TUSC3: variants seen among roughly 807,000 people sequenced by gnomAD.
TUSC3 encodes the protein dolichyl-diphosphooligosaccharide--protein glycosyltransferase subunit TUSC3.
TUSC3 carries 45 observed loss-of-function variants against 44.8 expected under a neutral mutation model. The ratio of observed to expected loss-of-function variants is 1.00; its 90% CI spans 0.79 to 1.29. TUSC3 has a LOEUF of 1.29. Ranked by LOEUF, TUSC3 falls within the 50% of genes most tolerant of loss-of-function variation. The pLI is 0.00. For synonymous variants in TUSC3, 212 were observed against 152.9 expected, an observed-to-expected ratio of 1.39 and a Z score of -2.85; for missense variants, 519 against 437.9, an observed-to-expected ratio of 1.19 and a Z score of -1.65.
intron 2 of TUSC3, among the ~76,000 whole-genome samples, chr8:15,522,658 C>T (rs973223636): frequency 6.6e-5 from 10 of 151,812 alleles, no homozygotes; most frequent in African/African-American, 2.4e-4. Flanking sequence ...GGGGCTGTTT[C>T]CCTACTCCAT....
intron 2 of TUSC3, among the ~76,000 whole-genome samples, chr8:15,631,639 C>T (rs577399549): frequency 2.0e-5 from 3 of 151,266 alleles, no homozygotes; most frequent in African/African-American, 7.3e-5. Flanking sequence ...CTAAATACTT[C>T]AGTAATACAT....
At chr8:15,742,482 A>T (rs931026920) in intron 7 of TUSC3, among the ~76,000 whole-genome samples, 1 of 152,190 alleles carries the variant, frequency 6.6e-6, no homozygotes, top group Non-Finnish European at 1.5e-5. Flanking sequence ...TAGAATTTCA[A>T]TAATATGGTT....
At chr8:15,543,910 T>G (rs1440867544) in intron 1 of TUSC3, among the ~76,000 whole-genome samples, 1 of 148,814 alleles carries the variant, frequency 6.7e-6, no homozygotes, top group Non-Finnish European at 1.5e-5. Flanking sequence ...TCCCATGGAT[T>G]TGTGTGTGTG....
the TUSC3 span, among the ~76,000 whole-genome samples, chr8:15,830,474 G>A: frequency 6.6e-6 from 1 of 152,092 alleles, no homozygotes; most frequent in Admixed American, 6.5e-5. Context: ...ATTTATTGCA[G>A]CACTATTCAC....
chr8:15,513,395 G>A (rs932289308), intron 2 of TUSC3, among the ~76,000 whole-genome samples: 4 of 151,976 alleles, frequency 2.6e-5, no homozygotes, highest in African/African-American at 7.3e-5. Flanking sequence ...TCTTTCCTAG[G>A]GATATTTGCT....
At chr8:15,665,350 T>C (rs929998184) in intron 5 of TUSC3, among the ~76,000 whole-genome samples, 3 of 151,552 alleles carry the variant, frequency 2.0e-5, no homozygotes, top group African/African-American at 7.2e-5. Flanking sequence ...AGGACAAGTC[T>C]AGGTACAATT....
In TUSC3 at chr8:15,587,432, C is replaced by G. The variant is rs548981401; in HGVS notation, c.139-35648C>G. Among the ~76,000 whole-genome samples, 8 of 152,160 alleles carry G rather than the reference C, an allele frequency of 5.3e-5. No homozygotes were observed. In the South Asian group the frequency reaches 1.7e-3, roughly 32 times the overall value. The stretch of plus-strand genomic sequence containing the variant: ...TTTCACTCCATTCATATTTTTAAAT[C>G]TTTTAGTTGACATGTAATAACTGTA... On this transcript the variant is annotated intron_variant, in intron 1 of 10. Transcript: ENST00000503731.
chr8:15,583,566 A>G (rs867048773), intron 1 of TUSC3, among the ~76,000 whole-genome samples: 1 of 152,164 alleles, frequency 6.6e-6, no homozygotes, highest in Admixed American at 6.5e-5. Flanking sequence ...GATCCCGTGG[A>G]TGGTAAATAT....
At chr8:15,774,418 G>GA in the TUSC3 span, among the ~76,000 whole-genome samples, 9 of 152,102 alleles carry the variant, frequency 5.9e-5, no homozygotes, top group Non-Finnish European at 1.3e-4. Context: ...GATACAGGGA[G>GA]AAAACCATAT....
chr8:15,700,598 C>A (rs1298278293), intron 6 of TUSC3, among the ~76,000 whole-genome samples: 1 of 151,906 alleles, frequency 6.6e-6, no homozygotes, highest in Admixed American at 6.6e-5. Context: ...GTGGTTAGTG[C>A]CTGTGAGTGT....
At chr8:15,466,716 G>GAA (rs1800419395) in intron 1 of TUSC3, among the ~76,000 whole-genome samples, 2 of 152,006 alleles carry the variant, frequency 1.3e-5, no homozygotes, top group African/African-American at 4.8e-5. Flanking sequence ...TTTAATTCCT[G>GAA]TTTTTGTTGT....
chr8:15,573,541 T>A (rs1050552419), intron 1 of TUSC3, among the ~76,000 whole-genome samples: 4 of 151,986 alleles, frequency 2.6e-5, no homozygotes, highest in African/African-American at 9.7e-5. Flanking sequence ...GTTCAGATGG[T>A]CTCTCCTTCC....
At chr8:15,598,685 A>G (rs1335531892) in intron 1 of TUSC3, among the ~76,000 whole-genome samples, 1 of 151,790 alleles carries the variant, frequency 6.6e-6, no homozygotes, top group Non-Finnish European at 1.5e-5. Context: ...TAAAGTTGGA[A>G]TCATACAGTA....
chr8:15,669,745 T>C (rs376258123), intron 5 of TUSC3, among the ~76,000 whole-genome samples: 1 of 151,728 alleles, frequency 6.6e-6, no homozygotes, highest in Non-Finnish European at 1.5e-5. Context: ...ACATCATATT[T>C]GGCAACTTCC....
chr8:15,602,692 GTGTGTA>G lies in TUSC3; in HGVS notation c.139-20386_139-20381del, dbSNP rs758817474. On this transcript the variant is annotated intron_variant, in intron 1 of 10. Coordinates refer to ENST00000503731, the MANE Select transcript of TUSC3 (RefSeq NM_006765.4). ...TGTGTGTGTGTGTGTGTGTGTGTGT[GTGTGTA>G]TATATGTGTATGTATACGTGTGTAT... Among the ~76,000 whole-genome samples the G allele has an allele frequency of 1.1e-4, 17 of 148,304 alleles. No homozygotes were observed. In the East Asian group the frequency reaches 1.4e-3, roughly 12 times the overall value.
chr8:15,558,981 G>GT (rs1392951445), intron 1 of TUSC3, among the ~76,000 whole-genome samples: 12 of 149,662 alleles, frequency 8.0e-5, no homozygotes, highest in Non-Finnish European at 1.8e-4. Context: ...TTTTTGAAGG[G>GT]TTTTTTGTGT....
chr8:15,718,359 T>C (rs969705850), intron 6 of TUSC3, among the ~76,000 whole-genome samples: 1 of 152,116 alleles, frequency 6.6e-6, no homozygotes, highest in Non-Finnish European at 1.5e-5. Context: ...AGAAGAATGG[T>C]TGTAATATTG....
chr8:15,585,279 G>T (rs1268094095), intron 1 of TUSC3, among the ~76,000 whole-genome samples: 1 of 152,124 alleles, frequency 6.6e-6, no homozygotes, highest in Non-Finnish European at 1.5e-5. Context: ...ATTCAATAAA[G>T]GTTCAAGAGA....
At chr8:15,759,669 T>G (rs1812089685) in intron 10 of TUSC3, among the ~76,000 whole-genome samples, 1 of 152,054 alleles carries the variant, frequency 6.6e-6, no homozygotes, top group Non-Finnish European at 1.5e-5. Flanking sequence ...TCTTGGAAAC[T>G]TCATACCCTG....
Sources: gnomAD v4.1 joint callset for allele counts (sites outside exome capture counted in the v4.1 genomes callset) on GRCh38, gnomAD v4.1.1 for gene constraint, MANE v1.5 for transcripts, NCBI Gene and HGNC (gene_info 2026-07-23, HGNC 2026-07-21) for gene names.